MED24: variants seen among roughly 807,000 people sequenced by gnomAD.
MED24 encodes mediator of RNA polymerase II transcription subunit 24.
Under a neutral mutation model 118.8 loss-of-function variants are expected in MED24, and 74 were observed. That is an observed-to-expected ratio of 0.62 (90% CI 0.52 to 0.76). MED24 has a LOEUF of 0.76. Among genes scored for constraint, MED24 ranks in the 30% least tolerant of loss-of-function variants. The pLI, the probability that MED24 is intolerant of heterozygous loss-of-function variation, is 0.00. For synonymous variants in MED24, 521 were observed against 523.9 expected (o/e 0.99, Z 0.08); for missense variants, 1,041 against 1,278.9 (o/e 0.81, Z 2.84).
intron 3 of MED24, among the ~76,000 whole-genome samples, chr17:40,038,430 C>T (rs1240117810): frequency 1.3e-5 from 2 of 151,876 alleles, no homozygotes; most frequent in Non-Finnish European, 2.9e-5. Flanking sequence ...AGAAAGCTGT[C>T]GGCCGGGTGC....
In MED24 at chr17:40,023,244, C is replaced by A. The variant is rs1310754590; in HGVS notation, c.2137G>T (p.Asp713Tyr). 1 of 1,614,074 alleles carries A rather than the reference C, an allele frequency of 6.2e-7. No individual in the cohort carries two copies. Among genetic ancestry groups the A allele is most frequent in the African/African-American group, 1.3e-5 (1 of 74,934 alleles). ...TTCTCCAGCACCTTGGCAAAAATGT[C>A]CGTCAGCACCTCTTTGATGGGCCGC... is the stretch of plus-strand genomic sequence containing the variant. ...PKRPIKEVLTDIFAKVLEKGW... is the reference protein window; with the variant it reads ...PKRPIKEVLTYIFAKVLEKGW... The change falls in exon 20 of 26, where the codon GAC becomes TAC. Residue 713 changes from aspartate to tyrosine, a missense_variant. By Grantham distance (160) the Asp-to-Tyr change is radical. Around this residue, in one of 3 missense-constraint regions of MED24, gnomAD observed 587 missense variants for 694.4 expected, o/e 0.85. Transcript: ENST00000394128.
chr17:40,020,322 G>A lies in MED24; in HGVS notation c.2655C>T (p.Ala885=). 1 of 1,596,668 alleles carries A rather than the reference G, an allele frequency of 6.3e-7. No individual in the cohort carries two copies. Among genetic ancestry groups the A allele is most frequent in the African/African-American group, 1.3e-5 (1 of 74,874 alleles). Residue 885 remains alanine, a synonymous_variant, in exon 24 of 26, where the codon GCC becomes GCT. Transcript: ENST00000394128. ...TDRSMSSSLS[A]SQLHTVNMRD... is the part of the protein sequence containing the mutation. ...GCATGTTGACCGTGTGGAGCTGAGAGGCTGAGAGGGAGCTGCTCATGGATC... is the reference window on the plus strand; with the variant it reads ...GCATGTTGACCGTGTGGAGCTGAGAAGCTGAGAGGGAGCTGCTCATGGATC...
Position 40,027,371 on chromosome 17 carries a change from C to A in MED24, c.1530+12G>T. On this transcript the variant is annotated intron_variant, in intron 16 of 25. Coordinates refer to ENST00000394128, the MANE Select transcript of MED24 (RefSeq NM_014815.4). The stretch of plus-strand genomic sequence containing the variant: ...CCCTTGAGCCCCCGTCCCGGTCGCT[C>A]CCCTCTCTCACCTCTGAACCATAGG... 1 of 1,611,228 alleles carries A rather than the reference C, an allele frequency of 6.2e-7. No individual in the cohort carries two copies.
Position 40,033,045 on chromosome 17 carries a change from G to T in MED24, c.822+11C>A. 1 of 1,613,388 alleles carries T rather than the reference G, an allele frequency of 6.2e-7. No individual in the cohort carries two copies. On this transcript the variant is annotated intron_variant, in intron 8 of 25. Transcript: ENST00000394128. The surrounding 1 kb of genome is among the most constrained non-coding windows in gnomAD (Gnocchi z 5.2). ...GCCTTGGAGAAGGGAGAGCCACTCG[G>T]CCCCTCCCACCTGCATGCGCTTCAC...
At position 40,027,022 on chromosome 17, in the gene MED24, C is replaced by T. The variant is rs773372512; in HGVS notation, c.1543G>A (p.Glu515Lys). 1.9e-6 allele frequency: 3 copies of T among 1,614,006 alleles called. No homozygotes were observed. The highest frequency in any genetic ancestry group is 1.1e-5 in the South Asian group (1 of 91,078). The change falls in exon 17 of 26, where the codon GAG (glutamate) becomes AAG (lysine). Residue 515 changes from glutamate (E) to lysine (K), a missense_variant. Coordinates refer to ENST00000394128, the MANE Select transcript of MED24 (RefSeq NM_014815.4). ...QTYGSEVILS[E>K]SRTGAEVPFF... is the part of the protein sequence containing the mutation. Reference sequence around the variant, plus strand: ...GGCACCTCAGCTCCTGTGCGCGACTCGGACAGAATCACCTGGGAAAGGGGA... The same window carrying T: ...GGCACCTCAGCTCCTGTGCGCGACTTGGACAGAATCACCTGGGAAAGGGGA...
chr17:40,031,453 C>T (rs962243937), intron 11 of MED24, 85 bp downstream of exon 11: 1 of 1,406,020 alleles, frequency 7.1e-7, no homozygotes, highest in Non-Finnish European at 1.0e-6. Context: ...GAGACAGAGT[C>T]CCCTGAGGCT....
At chr17:40,031,768 G>A (rs565094057) in intron 10 of MED24, 148 bp from the exon 11 acceptor site, 36 of 780,382 alleles carry the variant, frequency 4.6e-5, no homozygotes, top group South Asian at 2.6e-4. Context: ...GCACGCAGAC[G>A]CTGAAGCACA....
At chr17:40,029,350 C>T (rs1465794219) in intron 13 of MED24, among the ~76,000 whole-genome samples, 1 of 152,192 alleles carries the variant, frequency 6.6e-6, no homozygotes, top group Non-Finnish European at 1.5e-5. Flanking sequence ...AGGCATGCAC[C>T]ACCACACCCA....
intron 5 of MED24, 145 bp from the exon 6 acceptor site, chr17:40,035,494 C>G (rs990143342): frequency 1.0e-5 from 10 of 994,528 alleles, no homozygotes. Context: ...TGCTTAGCCC[C>G]TTTGGCTCCT....
intron 3 of MED24, among the ~76,000 whole-genome samples, chr17:40,036,549 G>A (rs1983956261): frequency 6.6e-6 from 1 of 152,012 alleles, no homozygotes; most frequent in Non-Finnish European, 1.5e-5. Context: ...TTAGCTGGGT[G>A]TGGTGGTGCG....
At chr17:40,034,786 G>T in intron 6 of MED24, 1 of 649,326 alleles carries the variant, frequency 1.5e-6, no homozygotes, top group Non-Finnish European at 2.6e-6. Flanking sequence ...TGATGTACTA[G>T]TCTTGCTACC....
intron 19 of MED24, 151 bp from the exon 20 acceptor site, chr17:40,023,546 C>A (rs757856810): frequency 1.5e-5 from 11 of 723,228 alleles, no homozygotes; most frequent in Admixed American, 1.2e-4. Context: ...GGACGGTATA[C>A]CCCGGGGTGA....
chr17:40,043,962 C>T (rs2144964830), intron 3 of MED24, among the ~76,000 whole-genome samples: 1 of 149,962 alleles, frequency 6.7e-6, no homozygotes, highest in South Asian at 2.1e-4. Flanking sequence ...AACCCTGTCT[C>T]TACTAAAAAT....
Position 40,023,348 on chromosome 17 carries a change from A to G in MED24, c.2033T>C (p.Leu678Pro). The G allele has an allele frequency of 1.2e-6, 2 of 1,612,734 alleles. No homozygotes were observed. The highest frequency in any genetic ancestry group is 1.1e-5 in the South Asian group (1 of 90,916). Residue 678 changes from leucine to proline, a missense_variant, in exon 20 of 26, where the codon CTG becomes CCG. By Grantham distance (98) the Leu-to-Pro change is moderately conservative (BLOSUM62 -3). Transcript: ENST00000394128. ...SILERMCADV[L>P]QQTATQIKFP... The stretch of plus-strand genomic sequence containing the variant: ...CTTGATCTGCGTGGCTGTCTGCTGC[A>G]GCACGTCGGCACACATGCGCTCCAG...
intron 9 of MED24, 59 bp from the exon 10 acceptor site, chr17:40,032,149 C>G (rs1227712685): frequency 1.3e-6 from 2 of 1,581,056 alleles, no homozygotes; most frequent in Non-Finnish European, 1.7e-6. Context: ...TTTCATCTAC[C>G]CCTGAAGGCA....
chr17:40,039,927 G>A (rs954996082), intron 3 of MED24, among the ~76,000 whole-genome samples: 5 of 151,504 alleles, frequency 3.3e-5, no homozygotes, highest in African/African-American at 1.2e-4. Flanking sequence ...GGGACTACAG[G>A]CACCCACCAC....
rs757316116 is a variant in MED24 at position 40,020,399 on chromosome 17, G to A, written c.2624-46C>T. 5.8e-6 allele frequency: 9 copies of A among 1,561,190 alleles called. No homozygotes were observed. The South Asian group carries it at 5.9e-5, about 10-fold the overall frequency. On this transcript the variant is annotated intron_variant, in intron 23 of 25. Coordinates refer to ENST00000394128, the MANE Select transcript of MED24 (RefSeq NM_014815.4). The stretch of plus-strand genomic sequence containing the variant: ...AGCGCTGGGAAACAGCCTGCCGAGT[G>A]CAAAAGTGGTGCTCCCCGGGGATGC...
intron 12 of MED24, among the ~76,000 whole-genome samples, chr17:40,030,314 G>A (rs1187389912): frequency 7.2e-6 from 1 of 138,554 alleles, no homozygotes; most frequent in Non-Finnish European, 1.6e-5. Context: ...TTTTTTTTTT[G>A]AGACAGAGTC....
At chr17:40,042,305 TAAAG>T (rs1984640987) in intron 3 of MED24, among the ~76,000 whole-genome samples, 1 of 151,960 alleles carries the variant, frequency 6.6e-6, no homozygotes, top group Non-Finnish European at 1.5e-5. Flanking sequence ...TTTTGAAAAA[TAAAG>T]AAACTAAGTG....
Sources: allele counts gnomAD v4.1 joint callset (sites outside exome capture counted in the v4.1 genomes callset), GRCh38; gene constraint gnomAD v4.1.1; regional missense constraint gnomAD v4.1.1; non-coding constraint Gnocchi (gnomAD v3.1); transcripts MANE v1.5; gene names NCBI Gene and HGNC (gene_info 2026-07-23, HGNC 2026-07-21).